Variants in PSMA8 observed in about 807,000 individuals in gnomAD.
PSMA8 encodes proteasome subunit alpha-type 8.
Under a neutral mutation model 32.4 loss-of-function variants are expected in PSMA8, and 18 were observed. That is an observed-to-expected ratio of 0.56 (90% confidence interval 0.38 to 0.82). The LOEUF (loss-of-function observed/expected upper bound fraction) is 0.82, where lower values mean the gene tolerates loss of function less well. PSMA8 is among the 40% of genes least tolerant of loss of function. PSMA8 has a pLI of 0.00. For missense variants in PSMA8, 298 were observed against 300.7 expected, an observed-to-expected ratio of 0.99 and a Z score of 0.07; for synonymous variants, 104 against 98.1, an observed-to-expected ratio of 1.06 and a Z score of -0.36.
At chr18:26,181,717 C>A (rs1401150493) in intron 6 of PSMA8, among the ~76,000 whole-genome samples, 2 of 152,130 alleles carry the variant, frequency 1.3e-5, no homozygotes, top group African/African-American at 4.8e-5. Context: ...CCAGGCCAGG[C>A]GTGGTGGCAC....
At chr18:26,147,590 T>C (rs1431867404) in intron 2 of PSMA8, among the ~76,000 whole-genome samples, 2 of 152,148 alleles carry the variant, frequency 1.3e-5, no homozygotes, top group Non-Finnish European at 2.9e-5. Flanking sequence ...AAAGAAGTAA[T>C]AAATCCCTGA....
chr18:26,179,101 G>C lies in PSMA8; in HGVS notation c.631G>C (p.Ala211Pro), dbSNP rs768853808. Reference sequence around the variant, plus strand: ...GTCTGGTGGAAAAAACATTGAACTTGCTATAATAAGAAGAAATCAACCTTT... The same window carrying C: ...GTCTGGTGGAAAAAACATTGAACTTCCTATAATAAGAAGAAATCAACCTTT... ...VQSGGKNIELAIIRRNQPLKM... is the reference protein window; with the variant it reads ...VQSGGKNIELPIIRRNQPLKM... The change falls in exon 6 of 7, where the codon GCT becomes CCT. Residue 211 changes from alanine (A) to proline (P), a missense_variant. Ala to Pro is a conservative substitution (Grantham distance 27, BLOSUM62 -1). Coordinates refer to ENST00000415576, the MANE Select transcript of PSMA8 (RefSeq NM_001025096.2). 4.3e-6 allele frequency: 7 copies of C among 1,612,594 alleles called. No homozygotes were observed. Among genetic ancestry groups the C allele is most frequent in the Non-Finnish European group, 3.4e-6 (4 of 1,179,080 alleles).
At chr18:26,154,352 A>G (rs1335097810) in intron 3 of PSMA8, among the ~76,000 whole-genome samples, 1 of 152,210 alleles carries the variant, frequency 6.6e-6, no homozygotes, top group Admixed American at 6.5e-5. Flanking sequence ...CCAACATTAC[A>G]TTATTCTACT....
chr18:26,138,370 T>C (rs1331071755), intron 1 of PSMA8, among the ~76,000 whole-genome samples: 12 of 152,186 alleles, frequency 7.9e-5, no homozygotes, highest in Non-Finnish European at 5.9e-5. Flanking sequence ...GGGAGAACTG[T>C]TGGGATGTGG....
intron 6 of PSMA8, among the ~76,000 whole-genome samples, chr18:26,187,928 C>T (rs1433402884): frequency 1.3e-5 from 2 of 152,064 alleles, no homozygotes; most frequent in Non-Finnish European, 2.9e-5. Context: ...CACTGTAGAC[C>T]AAATGTATCT....
Position 26,178,888 on chromosome 18 carries a change from C to T in PSMA8, c.536C>T (p.Thr179Ile), listed in dbSNP as rs1395068400. ...CGAGAATTTCTAGAAAAGAATTACA[C>T]AGAAGATGCCATAGCAAGTGACAGT... ...TVREFLEKNYTEDAIASDSEA... is the reference protein window; with the variant it reads ...TVREFLEKNYIEDAIASDSEA... The change falls in exon 5 of 7, where the codon ACA (threonine) becomes ATA (isoleucine). Residue 179 changes from threonine to isoleucine, a missense_variant. Coordinates refer to ENST00000415576, the MANE Select transcript of PSMA8 (RefSeq NM_001025096.2). 4 of 1,613,628 alleles carry T rather than the reference C, an allele frequency of 2.5e-6. No homozygotes were observed. In the African/African-American group the frequency reaches 4.0e-5, roughly 16 times the overall value.
At chr18:26,181,688 T>C (rs916627641) in intron 6 of PSMA8, among the ~76,000 whole-genome samples, 6 of 152,140 alleles carry the variant, frequency 3.9e-5, no homozygotes, top group Non-Finnish European at 7.4e-5. Flanking sequence ...AACACGTGAA[T>C]GATAAGAAAC....
intron 1 of PSMA8, among the ~76,000 whole-genome samples, chr18:26,134,461 G>A (rs2054894764): frequency 6.6e-6 from 1 of 151,734 alleles, no homozygotes; most frequent in Non-Finnish European, 1.5e-5. Flanking sequence ...GAACGCTCGT[G>A]GTCCAGTTCC....
chr18:26,160,827 G>A (rs1307674688), intron 4 of PSMA8, among the ~76,000 whole-genome samples: 1 of 152,168 alleles, frequency 6.6e-6, no homozygotes. Flanking sequence ...GTTTTTTGAG[G>A]TTCTCTACCT....
intron 4 of PSMA8, among the ~76,000 whole-genome samples, chr18:26,164,604 C>T (rs1874133388): frequency 6.6e-6 from 1 of 152,020 alleles, no homozygotes; most frequent in Non-Finnish European, 1.5e-5. Flanking sequence ...AAGCATTCTA[C>T]AGGATATTTC....
intron 4 of PSMA8, among the ~76,000 whole-genome samples, chr18:26,176,809 T>A (rs934426448): frequency 2.6e-5 from 4 of 152,078 alleles, no homozygotes; most frequent in South Asian, 2.1e-4. Flanking sequence ...GGCAGACACC[T>A]ATAATCCCAG....
chr18:26,165,587 G>T (rs986721386), intron 4 of PSMA8, among the ~76,000 whole-genome samples: 2 of 151,950 alleles, frequency 1.3e-5, no homozygotes, highest in Non-Finnish European at 2.9e-5. Context: ...CCCAAGATTG[G>T]CAACGCTATA....
At chr18:26,152,759 TA>T (rs1189364246) in intron 3 of PSMA8, among the ~76,000 whole-genome samples, 3 of 152,240 alleles carry the variant, frequency 2.0e-5, no homozygotes, top group Non-Finnish European at 4.4e-5. Flanking sequence ...TCCACCGTCA[TA>T]AATGGATTAA....
At chr18:26,140,012 A>G in intron 1 of PSMA8, 1 of 700,700 alleles carries the variant, frequency 1.4e-6, no homozygotes, top group Non-Finnish European at 2.6e-6. Flanking sequence ...AGAAATTCAT[A>G]GATCTCCATA....
chr18:26,185,998 T>C (rs111321363), intron 6 of PSMA8, among the ~76,000 whole-genome samples: 1 of 149,870 alleles, frequency 6.7e-6, no homozygotes, highest in African/African-American at 2.5e-5. Flanking sequence ...TCCCAGCCCT[T>C]TGGGAGACCG....
At chr18:26,152,256 GATTA>G (rs2055052225) in intron 3 of PSMA8, among the ~76,000 whole-genome samples, 1 of 152,078 alleles carries the variant, frequency 6.6e-6, no homozygotes. Flanking sequence ...CACTTCTGGA[GATTA>G]ATACAAAGAG....
At chr18:26,156,456 A>C (rs941962718) in intron 3 of PSMA8, among the ~76,000 whole-genome samples, 3 of 152,120 alleles carry the variant, frequency 2.0e-5, no homozygotes, top group Non-Finnish European at 2.9e-5. Flanking sequence ...GTATAGATAC[A>C]CAATTGAATA....
At position 26,156,867 on chromosome 18, in the gene PSMA8, G is replaced by A. The variant is rs181671057; in HGVS notation, c.355-1255G>A. 5.1e-3 allele frequency among the ~76,000 whole-genome samples: 771 copies of A among 151,040 alleles called. 5 individuals are homozygous for A. The highest frequency in any genetic ancestry group is 0.018 in the African/African-American group (728 of 41,288). Reference sequence around the variant, plus strand: ...AGTGGCATGATCTCGTCTCACTGAAGCCTCAACCTCCCAGGCTCAAGTGAT... The same window carrying A: ...AGTGGCATGATCTCGTCTCACTGAAACCTCAACCTCCCAGGCTCAAGTGAT... On this transcript the variant is annotated intron_variant, in intron 3 of 6. Transcript: ENST00000415576.
intron 4 of PSMA8, among the ~76,000 whole-genome samples, chr18:26,177,214 AT>A: frequency 6.6e-6 from 1 of 152,148 alleles, no homozygotes; most frequent in Non-Finnish European, 1.5e-5. Flanking sequence ...CCTAAAAGAC[AT>A]TTGACAATGT....
Sources: gnomAD v4.1 joint callset for allele counts (sites outside exome capture counted in the v4.1 genomes callset) on GRCh38, gnomAD v4.1.1 for gene constraint, MANE v1.5 for transcripts, NCBI Gene and HGNC (gene_info 2026-07-23, HGNC 2026-07-21) for gene names.